The following CTBP1 variants were observed in gnomAD, a reference collection of about 807,000 sequenced individuals.
CTBP1 encodes C-terminal binding protein 1.
A neutral mutation model predicts 42.1 loss-of-function variants in CTBP1; 11 were observed. The observed-to-expected ratio is 0.26, with a 90% CI of 0.16 to 0.43. CTBP1 has a LOEUF of 0.43. CTBP1 is among the 20% of genes least tolerant of loss of function. The pLI is 1.00. For missense variants in CTBP1, 399 were observed against 624.3 expected (o/e 0.64, Z 3.85); for synonymous variants, 324 against 277.1 (o/e 1.17, Z -1.68).
In CTBP1 at chr4:1,241,446, A is replaced by G. The variant is rs1030069030; in HGVS notation, c.-115T>C. ...CTCGGAGCCTCATCCCACGTCCTTA[A>G]TTGTCTCGAGCCAAAGTGCTCAGGC... is the stretch of plus-strand genomic sequence containing the variant. On this transcript the variant is annotated 5_prime_UTR_variant, in exon 2 of 10. Transcript: ENST00000382952. The G allele has an allele frequency of 7.0e-6, 11 of 1,582,536 alleles. No individual in the cohort carries two copies. The highest frequency in any genetic ancestry group is 1.1e-5 in the South Asian group (1 of 90,434).
chr4:1,225,214 C>T, intron 5 of CTBP1, 146 bp downstream of exon 5: 3 of 935,238 alleles, frequency 3.2e-6, no homozygotes, highest in Non-Finnish European at 4.7e-6. Flanking sequence ...GGCCCTGGTG[C>T]CTGTGCGCAC....
chr4:1,221,062 A>C (rs2108735059), intron 5 of CTBP1, among the ~76,000 whole-genome samples: 1 of 152,358 alleles, frequency 6.6e-6, no homozygotes, highest in East Asian at 1.9e-4. Context: ...AACAAGAAAA[A>C]ACAAAAATTT....
chr4:1,228,871 C>G (rs1431880435), intron 3 of CTBP1, among the ~76,000 whole-genome samples: 1 of 152,108 alleles, frequency 6.6e-6, no homozygotes, highest in East Asian at 1.9e-4. Flanking sequence ...AGGCAGACGC[C>G]ACCCAGCCGT....
At chr4:1,244,362 G>GT in intron 1 of CTBP1, 1 of 983,972 alleles carries the variant, frequency 1.0e-6, no homozygotes, top group Non-Finnish European at 1.2e-6. Flanking sequence ...ACTGGGGGGG[G>GT]GGTGTTCCAG....
chr4:1,216,216 C>T lies in CTBP1; in HGVS notation c.515-11G>A. The T allele has an allele frequency of 6.2e-7, 1 of 1,606,684 alleles. No homozygotes were observed. The highest frequency in any genetic ancestry group is 1.1e-5 in the South Asian group (1 of 90,668). ...CCTGCCCCACGCGACCTGGTGGCGT[C>T]AAGACACAGTGTGAGACCCTTGCTC... On this transcript the variant is annotated splice_polypyrimidine_tract_variant and intron_variant, in intron 5 of 9. Coordinates refer to ENST00000382952, the MANE Select transcript of CTBP1 (RefSeq NM_001012614.2).
chr4:1,215,884 G>A (rs1729054409), intron 6 of CTBP1, 107 bp downstream of exon 6: 1 of 1,248,424 alleles, frequency 8.0e-7, no homozygotes, highest in Non-Finnish European at 1.1e-6. Context: ...GCTCGCTGAA[G>A]GCAGGGTCTT....
At chr4:1,225,960 G>A (rs973421264) in intron 4 of CTBP1, among the ~76,000 whole-genome samples, 14 of 152,146 alleles carry the variant, frequency 9.2e-5, no homozygotes, top group African/African-American at 3.4e-4. Context: ...CTGTGGCCAG[G>A]TCAGAATCTG....
At chr4:1,231,842 C>T (rs1730993239) in intron 3 of CTBP1, among the ~76,000 whole-genome samples, 1 of 152,220 alleles carries the variant, frequency 6.6e-6, no homozygotes, top group Non-Finnish European at 1.5e-5. Flanking sequence ...ACATGAAGGG[C>T]CAGGCCCAGG....
chr4:1,241,584 C>T (rs1172153325), intron 1 of CTBP1, 65 bp from the exon 2 acceptor site: 138 of 1,491,726 alleles, frequency 9.3e-5, no homozygotes, highest in Non-Finnish European at 1.2e-4. Flanking sequence ...CTCACAGACT[C>T]CAGGGAACGC....
At chr4:1,219,357 G>T (rs960421993) in intron 5 of CTBP1, among the ~76,000 whole-genome samples, 3 of 152,150 alleles carry the variant, frequency 2.0e-5, no homozygotes, top group Non-Finnish European at 4.4e-5. Context: ...GTCTCTGAAT[G>T]AATGAATATA....
intron 1 of CTBP1, chr4:1,245,149 G>A (rs964208663): frequency 1.2e-5 from 12 of 985,304 alleles, no homozygotes; most frequent in East Asian, 1.1e-4. Context: ...TCCACGAGCC[G>A]ATACGGCACC....
At chr4:1,250,315 G>T, upstream of CTBP1, 1 of 268,564 alleles carries the variant, frequency 3.7e-6, no homozygotes. Flanking sequence ...TTCTAAGATC[G>T]GGCTGCCGAG....
Position 1,241,508 on chromosome 4 carries a change from G to A in CTBP1, c.-177C>T, listed in dbSNP as rs550755181. 9.4e-6 allele frequency: 15 copies of A among 1,598,176 alleles called. No individual in the cohort carries two copies. In the East Asian group the frequency reaches 2.0e-4, roughly 21 times the overall value. On this transcript the variant is annotated 5_prime_UTR_variant, in exon 2 of 10. Coordinates refer to ENST00000382952, the MANE Select transcript of CTBP1 (RefSeq NM_001012614.2). ...GGCAATCACTGAAGCCTGCGTCGGG[G>A]TCAAAGTCTTACTAAAAATCAAACA... is the stretch of plus-strand genomic sequence containing the variant.
At chr4:1,247,711 C>T (rs1732865646) in intron 1 of CTBP1, among the ~76,000 whole-genome samples, 1 of 149,394 alleles carries the variant, frequency 6.7e-6, no homozygotes, top group Admixed American at 6.6e-5. Flanking sequence ...CCGTTTTCTT[C>T]CCGAGGGACG....
At chr4:1,221,805 T>G (rs1217965606) in intron 5 of CTBP1, 1 of 446,784 alleles carries the variant, frequency 2.2e-6, no homozygotes, top group South Asian at 1.6e-5. Flanking sequence ...GGTGGGTTCA[T>G]GGGGTGAATG....
Position 1,238,484 on chromosome 4 carries a change from A to T in CTBP1, c.8-147T>A. ...ATGTTGTGATATTTGTAAAAAGTAA[A>T]TTAAAAATCCACGTGAAAGACAACT... On this transcript the variant is annotated intron_variant, in intron 2 of 9. Coordinates refer to ENST00000382952, the MANE Select transcript of CTBP1 (RefSeq NM_001012614.2). This position sits in a 1 kb window ranked among gnomAD's most constrained non-coding sequence, Gnocchi z 5.9. The T allele has an allele frequency of 9.6e-7, 1 of 1,042,084 alleles. No individual in the cohort carries two copies. The highest frequency in any genetic ancestry group is 1.3e-6 in the Non-Finnish European group (1 of 756,194). 64.6% of individuals were successfully genotyped at this position (1,042,084 alleles called of 1,614,324 possible).
chr4:1,212,414 C>T lies in CTBP1; in HGVS notation c.1116G>A (p.Pro372=), dbSNP rs1232025451. 5.5e-6 allele frequency: 8 copies of T among 1,460,806 alleles called. No homozygotes were observed. In the Admixed American group the frequency reaches 1.2e-4, roughly 21 times the overall value. The allele number at this position is 1,460,806 out of a possible 1,614,324, so 90.5% of individuals were successfully genotyped here. The change falls in exon 10 of 10, where the codon CCG becomes CCA. Residue 372 remains proline, a synonymous_variant. Coordinates refer to ENST00000382952, the MANE Select transcript of CTBP1 (RefSeq NM_001012614.2). ...CAGTGGGGGCCACGCCCACCACGCC[C>T]GGAGGGTACCTGCTGGGAGAGGGTC... ...ELNGAAYRYP[P]GVVGVAPTGI...
At chr4:1,242,374 GCCA>G in intron 1 of CTBP1, 1 of 985,336 alleles carries the variant, frequency 1.0e-6, no homozygotes, top group Non-Finnish European at 1.2e-6. Flanking sequence ...ACAGGAGCCG[GCCA>G]CCACCAGCCC....
intron 5 of CTBP1, among the ~76,000 whole-genome samples, chr4:1,221,233 G>C (rs1729701345): frequency 6.6e-6 from 1 of 152,174 alleles, no homozygotes; most frequent in African/African-American, 2.4e-5. Context: ...GGAAACTATA[G>C]GTTAAAATTA....
Sources: gnomAD v4.1 joint callset for allele counts (sites outside exome capture counted in the v4.1 genomes callset) on GRCh38, gnomAD v4.1.1 for gene constraint, Gnocchi (gnomAD v3.1) non-coding constraint, MANE v1.5 for transcripts, NCBI Gene and HGNC (gene_info 2026-07-23, HGNC 2026-07-21) for gene names.